Variants in ENDOU observed in about 807,000 individuals in gnomAD.
The protein encoded by ENDOU is endonuclease, poly(U) specific, also known as uridylate-specific endoribonuclease.
ENDOU carries 49 observed loss-of-function variants against 54.2 expected under a neutral mutation model. That is an observed-to-expected ratio of 0.90 (90% CI 0.72 to 1.15). The LOEUF is 1.15. Ranked by LOEUF, ENDOU falls within the 50% of genes most tolerant of loss-of-function variation. ENDOU has a pLI of 0.00. For synonymous variants in ENDOU, 172 were observed against 190.5 expected, an observed-to-expected ratio of 0.90 and a Z score of 0.80; for missense variants, 458 against 511.4, an observed-to-expected ratio of 0.90 and a Z score of 1.01.
intron 9 of ENDOU, among the ~76,000 whole-genome samples, chr12:47,711,322 C>T (rs926218440): frequency 1.3e-5 from 2 of 152,138 alleles, no homozygotes; most frequent in Non-Finnish European, 2.9e-5. Flanking sequence ...CCCTAAGTAG[C>T]CTCAGGGGAC....
chr12:47,718,140 G>T lies in ENDOU; in HGVS notation c.233C>A (p.Ala78Asp), dbSNP rs150837803. The T allele has an allele frequency of 4.0e-5, 63 of 1,575,478 alleles. No individual in the cohort carries two copies. The highest frequency in any genetic ancestry group is 5.5e-5 in the Admixed American group (3 of 54,484). ...GGAGGCAGGCTCACTGCTGGCGAGG[G>T]CCTCTTCTGTCTCTTCCTCCAGCTG... is the stretch of plus-strand genomic sequence containing the variant. ...LPQLEEETEE[A>D]LASNLYSAPT... Residue 78 changes from alanine (A) to aspartate (D), a missense_variant, in exon 3 of 10, where the codon GCC becomes GAC. Transcript: ENST00000422538.
chr12:47,716,876 T>C lies in ENDOU; in HGVS notation c.551+14A>G, dbSNP rs202135958. On this transcript the variant is annotated intron_variant, in intron 5 of 9. Coordinates refer to ENST00000422538, the MANE Select transcript of ENDOU (RefSeq NM_001172439.2). ...AAGATTTAGGGGGTAGAAAGAGGAA[T>C]TGTGGGAACTCACGGCTTTGGGCAG... is the stretch of plus-strand genomic sequence containing the variant. The C allele has an allele frequency of 1.9e-6, 3 of 1,613,578 alleles. No homozygotes were observed. The highest frequency in any genetic ancestry group is 2.5e-6 in the Non-Finnish European group (3 of 1,179,810).
At chr12:47,725,207 A>G (rs1940547471) in intron 1 of ENDOU, 152 bp downstream of exon 1, 1 of 780,418 alleles carries the variant, frequency 1.3e-6, no homozygotes, top group Non-Finnish European at 2.2e-6. Context: ...ACCCTCAGAC[A>G]AGGACAACCC....
rs1940101339 is a variant in ENDOU at position 47,713,265 on chromosome 12, G to C, written c.865+10C>G. On this transcript the variant is annotated intron_variant, in intron 7 of 9. Transcript: ENST00000422538. ...CTCCAACTCTTTCTTTCCAAGAAAA[G>C]TGCTCCCACCTGAGAAGACATGTTC... The C allele has an allele frequency of 1.3e-6, 2 of 1,569,446 alleles. No homozygotes were observed. The highest frequency in any genetic ancestry group is 2.7e-5 in the African/African-American group (2 of 74,052).
At position 47,710,994 on chromosome 12, in the gene ENDOU, C is replaced by T. The variant is rs1303590737; in HGVS notation, c.1116-75G>A. The T allele has an allele frequency of 4.2e-5, 40 of 953,966 alleles. No homozygotes were observed. The East Asian group carries it at 7.2e-4, about 17-fold the overall frequency. The allele number at this position is 953,966 out of a possible 1,614,324, so 59.1% of individuals were successfully genotyped here. ...TCTCCCTGGGCTGGAAGGATCAAGC[C>T]CAACTGAAGCAGAAGGGCTCCATTC... On this transcript the variant is annotated intron_variant, in intron 9 of 9. Transcript: ENST00000422538.
At chr12:47,711,262 G>C (rs1465075638) in intron 9 of ENDOU, among the ~76,000 whole-genome samples, 1 of 152,224 alleles carries the variant, frequency 6.6e-6, no homozygotes, top group Non-Finnish European at 1.5e-5. Context: ...GAATGTTAGA[G>C]AACTTGAAGC....
At chr12:47,713,048 A>T (rs1223933954) in intron 7 of ENDOU, among the ~76,000 whole-genome samples, 2 of 152,072 alleles carry the variant, frequency 1.3e-5, no homozygotes, top group Non-Finnish European at 2.9e-5. Flanking sequence ...GAGCCCCAGC[A>T]TCTGGTCTTC....
chr12:47,713,957 G>C (rs1940136285), intron 6 of ENDOU, among the ~76,000 whole-genome samples: 1 of 152,206 alleles, frequency 6.6e-6, no homozygotes, highest in Non-Finnish European at 1.5e-5. Flanking sequence ...GGAGGGGAGA[G>C]TGGTAGGAGA....
chr12:47,711,838 C>A (rs1940027043), intron 8 of ENDOU, 63 bp from the exon 9 acceptor site: 12 of 1,572,092 alleles, frequency 7.6e-6, no homozygotes, highest in Non-Finnish European at 1.0e-5. Flanking sequence ...AGAACGGGTG[C>A]CCAATGGCAA....
At chr12:47,724,793 C>T (rs562795452) in intron 1 of ENDOU, among the ~76,000 whole-genome samples, 2 of 152,304 alleles carry the variant, frequency 1.3e-5, no homozygotes, top group Admixed American at 6.5e-5. Flanking sequence ...TTCAATTCTC[C>T]TAACACTGCA....
intron 6 of ENDOU, among the ~76,000 whole-genome samples, chr12:47,715,916 T>C (rs1436698392): frequency 6.6e-6 from 1 of 152,144 alleles, no homozygotes; most frequent in Non-Finnish European, 1.5e-5. Context: ...CGACTCTACC[T>C]GTCTGAAACA....
rs1382323950 is a variant in ENDOU, at chr12:47,713,382, T to C, written c.758A>G (p.Tyr253Cys). The C allele has an allele frequency of 7.4e-6, 12 of 1,613,070 alleles. No individual in the cohort carries two copies. Among genetic ancestry groups the C allele is most frequent in the Non-Finnish European group, 8.5e-6 (10 of 1,179,206 alleles). Reference sequence around the variant, plus strand: ...ATCGACAAACTCTTGCTCTGAGCCATAGCGATCTGCAGAGGAACACAAAGG... The same window carrying C: ...ATCGACAAACTCTTGCTCTGAGCCACAGCGATCTGCAGAGGAACACAAAGG... ...LYSFLHHQNR[Y>C]GSEQEFVDDL... Residue 253 changes from tyrosine (Y) to cysteine (C), a missense_variant, in exon 7 of 10, where the codon TAT becomes TGT. Physicochemically the swap from Tyr to Cys is radical, Grantham distance 194. Coordinates refer to ENST00000422538, the MANE Select transcript of ENDOU (RefSeq NM_001172439.2).
intron 1 of ENDOU, 34 bp downstream of exon 1, chr12:47,725,325 C>G: frequency 6.2e-7 from 1 of 1,612,670 alleles, no homozygotes; most frequent in African/African-American, 1.3e-5. Flanking sequence ...TCCCGCCCCA[C>G]CAGCAATCCC....
At chr12:47,720,695 C>T in intron 2 of ENDOU, 58 bp downstream of exon 2, 1 of 1,521,708 alleles carries the variant, frequency 6.6e-7, no homozygotes, top group South Asian at 1.2e-5. Flanking sequence ...TGCTGGACAC[C>T]CAGGCCAGTG....
At chr12:47,724,121 A>C (rs1940515865) in intron 1 of ENDOU, among the ~76,000 whole-genome samples, 1 of 152,140 alleles carries the variant, frequency 6.6e-6, no homozygotes, top group Non-Finnish European at 1.5e-5. Flanking sequence ...CCCCCCAGGG[A>C]CCAAATATCC....
chr12:47,722,917 T>C (rs908312990), intron 1 of ENDOU, among the ~76,000 whole-genome samples: 6 of 152,236 alleles, frequency 3.9e-5, no homozygotes, highest in African/African-American at 9.6e-5. Context: ...TCTTGAATGT[T>C]AAATGATGCT....
chr12:47,716,307 A>T lies in ENDOU; in HGVS notation c.744T>A (p.His248Gln), dbSNP rs748037529. 2 of 1,614,000 alleles carry T rather than the reference A, an allele frequency of 1.2e-6. No homozygotes were observed. Among genetic ancestry groups the T allele is most frequent in the Non-Finnish European group, 1.7e-6 (2 of 1,180,004 alleles). The change falls in exon 6 of 10, where the codon CAT (histidine) becomes CAA (glutamine). Residue 248 changes from histidine (H) to glutamine (Q), a missense_variant. Physicochemically the swap from His to Gln is conservative, Grantham distance 24. Transcript: ENST00000422538. The stretch of plus-strand genomic sequence containing the variant: ...CTGGGGGTGCTCACTCACTCTGGTG[A>T]TGGAGGAAGCTGTAGAGCTCCTTCA... ...AVMKELYSFL[H>Q]HQNRYGSEQE...
At chr12:47,715,178 G>A (rs142344124) in intron 6 of ENDOU, among the ~76,000 whole-genome samples, 232 of 152,372 alleles carry the variant, frequency 1.5e-3, no homozygotes, top group Middle Eastern at 3.4e-3. Flanking sequence ...AAACTCTGCA[G>A]AGGTGCCGAA....
chr12:47,721,169 A>C (rs1018178765), intron 1 of ENDOU, among the ~76,000 whole-genome samples: 7 of 152,324 alleles, frequency 4.6e-5, no homozygotes. Context: ...GGTATGAGGC[A>C]GTAGGAAGAA....
Sources: gnomAD v4.1 joint callset for allele counts (sites outside exome capture counted in the v4.1 genomes callset) on GRCh38, gnomAD v4.1.1 for gene constraint, MANE v1.5 for transcripts, NCBI Gene and HGNC (gene_info 2026-07-23, HGNC 2026-07-21) for gene names.